The following INTS6 variants were observed in gnomAD, a reference collection of about 807,000 sequenced individuals.
INTS6 encodes the protein DEAD box protein.
A neutral mutation model predicts 104.9 loss-of-function variants in INTS6; 16 were observed. That is an observed-to-expected ratio of 0.15 (90% CI 0.10 to 0.23). The LOEUF is 0.23. Among genes scored for constraint, INTS6 ranks in the 10% least tolerant of loss-of-function variants. The pLI is 1.00. For missense variants in INTS6, 584 were observed against 1,062.8 expected (o/e 0.55, Z 6.26); for synonymous variants, 324 against 358.7 (o/e 0.90, Z 1.09).
chr13:51,374,873 C>T, intron 13 of INTS6, 77 bp from the exon 14 acceptor site: 1 of 1,448,594 alleles, frequency 6.9e-7, no homozygotes, highest in Non-Finnish European at 9.5e-7. Context: ...TATATGAATG[C>T]TACCTAGTGT....
chr13:51,448,224 C>T (rs900757858), intron 3 of INTS6: 1 of 152,164 alleles, frequency 6.6e-6, no homozygotes, highest in Non-Finnish European at 1.5e-5. Flanking sequence ...AAAGGATCAG[C>T]ATTATTTGAA....
chr13:51,362,118 TCA>T lies in INTS6; in HGVS notation c.*3632_*3633del. The T allele has an allele frequency of 7.1e-7, 1 of 1,404,266 alleles. No homozygotes were observed. The highest frequency in any genetic ancestry group is 1.6e-5 in the South Asian group (1 of 62,662). 87.0% of individuals were successfully genotyped at this position (1,404,266 alleles called of 1,614,324 possible). On this transcript the variant is annotated 3_prime_UTR_variant, in exon 18 of 18. Coordinates refer to ENST00000311234, the MANE Select transcript of INTS6 (RefSeq NM_012141.3). ...TTTTTTACCTTCTCATTCTCTCAGC[TCA>T]TATATAGTTAATGTAGATTTTTTTT...
rs1952997474 is a variant in INTS6, at chr13:51,449,827, A to G, written c.339+1198T>C. 4.1e-6 allele frequency: 4 copies of G among 985,394 alleles called. No homozygotes were observed. In the South Asian group the frequency reaches 1.4e-4, roughly 35 times the overall value. The allele number at this position is 985,394 out of a possible 1,614,324, so 61.0% of individuals were successfully genotyped here. The stretch of plus-strand genomic sequence containing the variant: ...GCAAAATAAAAGCAGCAGAGATGGG[A>G]AAAACATAAAAGTATTAATGTGGTA... On this transcript the variant is annotated intron_variant, in intron 3 of 17. Coordinates refer to ENST00000311234, the MANE Select transcript of INTS6 (RefSeq NM_012141.3).
chr13:51,399,806 G>C (rs182237719), intron 4 of INTS6, among the ~76,000 whole-genome samples: 10 of 152,068 alleles, frequency 6.6e-5, no homozygotes, highest in Admixed American at 6.5e-4. Context: ...TACGCTTATT[G>C]GCCATTTCAA....
downstream of INTS6, chr13:51,361,359 C>CCA: frequency 1.2e-6 from 2 of 1,600,840 alleles, no homozygotes; most frequent in Non-Finnish European, 8.5e-7. Flanking sequence ...GCATCTGGAG[C>CCA]CACAGGTATG....
At chr13:51,346,647 C>A in the INTS6 span, among the ~76,000 whole-genome samples, 10 of 152,356 alleles carry the variant, frequency 6.6e-5, no homozygotes, top group Admixed American at 3.3e-4. Context: ...CCTCTCCACA[C>A]CCTCATCCCC....
At chr13:51,369,770 T>C (rs1955769349) in intron 15 of INTS6, among the ~76,000 whole-genome samples, 2 of 152,184 alleles carry the variant, frequency 1.3e-5, no homozygotes, top group Non-Finnish European at 2.9e-5. Context: ...TTTCTGCCTT[T>C]AACTGTTCCA....
intron 5 of INTS6, among the ~76,000 whole-genome samples, chr13:51,391,250 T>C (rs538171255): frequency 4.6e-5 from 7 of 152,282 alleles, no homozygotes; most frequent in African/African-American, 1.7e-4. Flanking sequence ...AGCATATTCC[T>C]AAGATGTCAT....
chr13:51,355,896 G>A (rs1399844906), intron 3 of INTS6, among the ~76,000 whole-genome samples: 1 of 152,110 alleles, frequency 6.6e-6, no homozygotes, highest in Non-Finnish European at 1.5e-5. Flanking sequence ...TACTGTAGCT[G>A]GTATTTCCAT....
intron 3 of INTS6, chr13:51,437,237 A>C (rs1208621912): frequency 1.3e-5 from 2 of 152,198 alleles, no homozygotes; most frequent in Non-Finnish European, 2.9e-5. Context: ...ACCTAAAAGA[A>C]ATCTGTCTAG....
intron 4 of INTS6, among the ~76,000 whole-genome samples, chr13:51,406,523 CT>C (rs967926099): frequency 6.6e-5 from 10 of 152,266 alleles, no homozygotes; most frequent in African/African-American, 2.4e-4. Flanking sequence ...ATTTAACCTC[CT>C]AAGTATCTCT....
chr13:51,431,831 TCA>T lies in INTS6; in HGVS notation c.340-1450_340-1449del, dbSNP rs1412599497. On this transcript the variant is annotated intron_variant, in intron 3 of 17. Coordinates refer to ENST00000311234, the MANE Select transcript of INTS6 (RefSeq NM_012141.3). ...CTAAATGCATAGCAGCATTAAAATG[TCA>T]CAGGAGTCTTGCAGGGAGAAAACAT... 6.6e-5 allele frequency among the ~76,000 whole-genome samples: 10 copies of T among 152,290 alleles called. No individual in the cohort carries two copies. In the East Asian group the frequency reaches 1.9e-3, roughly 29 times the overall value.
At chr13:51,361,006 G>C (rs1955565417), downstream of INTS6, among the ~76,000 whole-genome samples, 1 of 151,928 alleles carries the variant, frequency 6.6e-6, no homozygotes, top group Non-Finnish European at 1.5e-5. Flanking sequence ...GCAGTGCTCT[G>C]AATATTATTT....
chr13:51,452,999 G>GAA lies in INTS6; in HGVS notation c.-475_-474insTT, dbSNP rs1953099704. 3 of 1,007,520 alleles carry GAA rather than the reference G, an allele frequency of 3.0e-6. No individual in the cohort carries two copies. The highest frequency in any genetic ancestry group is 3.6e-6 in the Non-Finnish European group (3 of 843,466). 62.4% of individuals were successfully genotyped at this position (1,007,520 alleles called of 1,614,324 possible). A position where few individuals can be genotyped will look rare whatever the true frequency, so the allele number is the denominator to read the frequency against. On this transcript the variant is annotated 5_prime_UTR_variant, in exon 1 of 18. Coordinates refer to ENST00000311234, the MANE Select transcript of INTS6 (RefSeq NM_012141.3). The surrounding 1 kb of genome is among the most constrained non-coding windows in gnomAD (Gnocchi z 4.2). ...TCAGGGACTCCCTCCGCACCCCGGC[G>GAA]GTGTCACCACTTTCTCAGCCCCTCT... is the stretch of plus-strand genomic sequence containing the variant.
At chr13:51,383,983 G>A (rs192636872) in intron 7 of INTS6, 11 of 283,772 alleles carry the variant, frequency 3.9e-5, no homozygotes, top group East Asian at 1.3e-4. Context: ...TAGGTCTTAC[G>A]CAAAATTTAG....
At chr13:51,341,158 C>A in the INTS6 span, 1 of 1,614,026 alleles carries the variant, frequency 6.2e-7, no homozygotes, top group South Asian at 1.1e-5. Context: ...TGGCCACCTC[C>A]GTGAAGGAAT....
Position 51,410,312 on chromosome 13 carries a change from A to G in INTS6, c.430-14829T>C, listed in dbSNP as rs548604557. Among the ~76,000 whole-genome samples, 11 of 152,302 alleles carry G rather than the reference A, an allele frequency of 7.2e-5. No homozygotes were observed. In the South Asian group the frequency reaches 2.3e-3, roughly 32 times the overall value. On this transcript the variant is annotated intron_variant, in intron 4 of 17. Coordinates refer to ENST00000311234, the MANE Select transcript of INTS6 (RefSeq NM_012141.3). ...AAAACAAAGTTGGAGACTTAACTAA[A>G]TGATTTCAAAACTCGTTATAAAACC...
chr13:51,336,970 G>A, the INTS6 span, among the ~76,000 whole-genome samples: 22 of 152,246 alleles, frequency 1.4e-4, no homozygotes, highest in Non-Finnish European at 2.5e-4. Flanking sequence ...GCGCTTTGCC[G>A]TTGCCTTCCT....
intron 7 of INTS6, chr13:51,384,911 T>C: frequency 2.9e-6 from 1 of 347,358 alleles, no homozygotes; most frequent in South Asian, 2.3e-5. Context: ...GTTTAGTTTC[T>C]AATCAGTCCC....
Sources: gnomAD v4.1 joint callset for allele counts (sites outside exome capture counted in the v4.1 genomes callset) on GRCh38, gnomAD v4.1.1 for gene constraint, Gnocchi (gnomAD v3.1) non-coding constraint, MANE v1.5 for transcripts, NCBI Gene and HGNC (gene_info 2026-07-23, HGNC 2026-07-21) for gene names.